The following RNF182 variants were observed in gnomAD, a reference collection of about 807,000 sequenced individuals.
RNF182 encodes E3 ubiquitin-protein ligase RNF182.
RNF182 carries 15 observed loss-of-function variants against 14.4 expected under a neutral mutation model. That is an observed-to-expected ratio of 1.04 (90% CI 0.70 to 1.60). The LOEUF (loss-of-function observed/expected upper bound fraction) is 1.60. Ranked by LOEUF, RNF182 falls within the 40% of genes most tolerant of loss-of-function variation. The pLI is 0.00. For synonymous variants in RNF182, 128 were observed against 122.9 expected (o/e 1.04, Z -0.27); for missense variants, 268 against 294.8 (o/e 0.91, Z 0.67).
At chr6:13,965,707 T>G (rs1760005793) in intron 1 of RNF182, among the ~76,000 whole-genome samples, 1 of 152,244 alleles carries the variant, frequency 6.6e-6, no homozygotes, top group Non-Finnish European at 1.5e-5. Context: ...GGGTTTGGTC[T>G]AGGCCCTACT....
chr6:13,939,379 CTAAG>C (rs1759227135), intron 1 of RNF182, among the ~76,000 whole-genome samples: 1 of 151,944 alleles, frequency 6.6e-6, no homozygotes, highest in Non-Finnish European at 1.5e-5. Flanking sequence ...TTTAATTTCT[CTAAG>C]TAATGTTTTG....
chr6:13,961,492 G>T (rs1759882226), intron 1 of RNF182: 1 of 152,106 alleles, frequency 6.6e-6, no homozygotes, highest in Non-Finnish European at 1.5e-5. Flanking sequence ...TGCCTGCAAG[G>T]GATGGTCATA....
chr6:13,949,410 A>G (rs956658592), intron 1 of RNF182: 21 of 740,414 alleles, frequency 2.8e-5, no homozygotes, highest in African/African-American at 1.1e-4. Context: ...GGCAAGAGAA[A>G]GACTGTGAAA....
At chr6:13,949,611 A>G (rs975711630) in intron 1 of RNF182, 23 of 391,456 alleles carry the variant, frequency 5.9e-5, no homozygotes, top group African/African-American at 4.6e-4. Flanking sequence ...TGAAAAACTG[A>G]TATGACGATG....
At chr6:13,961,809 G>A (rs1399484434) in intron 1 of RNF182, among the ~76,000 whole-genome samples, 1 of 152,096 alleles carries the variant, frequency 6.6e-6, no homozygotes, top group Non-Finnish European at 1.5e-5. Context: ...TGTTGAGGGA[G>A]GCTTTCTGGA....
At chr6:13,960,262 T>A (rs1024953605) in intron 1 of RNF182, among the ~76,000 whole-genome samples, 1 of 152,186 alleles carries the variant, frequency 6.6e-6, no homozygotes, top group African/African-American at 2.4e-5. Context: ...TGACACTTAA[T>A]AGATATTAAG....
intron 2 of RNF182, among the ~76,000 whole-genome samples, chr6:13,975,862 A>G (rs1760309520): frequency 6.6e-6 from 1 of 152,250 alleles, no homozygotes; most frequent in Admixed American, 6.5e-5. Flanking sequence ...ATCAACTACC[A>G]AAAATACTAC....
At chr6:13,938,226 C>T (rs1243961255) in intron 1 of RNF182, among the ~76,000 whole-genome samples, 1 of 144,714 alleles carries the variant, frequency 6.9e-6, no homozygotes, top group African/African-American at 2.6e-5. Flanking sequence ...ACCGTGATAG[C>T]CAGGATGGTC....
At chr6:13,959,263 A>T in intron 1 of RNF182, among the ~76,000 whole-genome samples, 1 of 152,252 alleles carries the variant, frequency 6.6e-6, no homozygotes, top group East Asian at 1.9e-4. Flanking sequence ...AAAACATGAA[A>T]GACTTTGTAC....
At chr6:13,943,612 G>C (rs949330584) in intron 1 of RNF182, among the ~76,000 whole-genome samples, 3 of 152,122 alleles carry the variant, frequency 2.0e-5, no homozygotes, top group African/African-American at 7.2e-5. Flanking sequence ...CAAATTTTTT[G>C]AGGAAGGTGA....
intron 1 of RNF182, among the ~76,000 whole-genome samples, chr6:13,939,507 TTTG>T (rs1450872894): frequency 2.0e-5 from 3 of 151,868 alleles, no homozygotes; most frequent in Non-Finnish European, 2.9e-5. Context: ...TAAATACATT[TTTG>T]TTTTTATTTT....
intron 1 of RNF182, among the ~76,000 whole-genome samples, chr6:13,968,899 G>T (rs1760104784): frequency 6.6e-6 from 1 of 152,156 alleles, no homozygotes; most frequent in African/African-American, 2.4e-5. Flanking sequence ...GTAATACTAA[G>T]TAGGAACCTA....
chr6:13,960,734 T>C (rs1759859414), intron 1 of RNF182, among the ~76,000 whole-genome samples: 1 of 151,612 alleles, frequency 6.6e-6, no homozygotes, highest in Non-Finnish European at 1.5e-5. Context: ...TTAGTTACAT[T>C]TAGTGAAATA....
At chr6:13,949,944 C>G (rs1319487211) in intron 1 of RNF182, among the ~76,000 whole-genome samples, 1 of 152,174 alleles carries the variant, frequency 6.6e-6, no homozygotes, top group African/African-American at 2.4e-5. Context: ...TGTTCACACA[C>G]AGAATTTCTT....
At chr6:13,934,857 CGAG>C (rs1482878064) in intron 1 of RNF182, among the ~76,000 whole-genome samples, 2 of 152,058 alleles carry the variant, frequency 1.3e-5, no homozygotes, top group East Asian at 3.9e-4. Flanking sequence ...ATTTGAGTGA[CGAG>C]AAGATTTGAT....
chr6:13,969,646 G>A (rs1222073490), intron 1 of RNF182, among the ~76,000 whole-genome samples: 2 of 152,180 alleles, frequency 1.3e-5, no homozygotes, highest in Non-Finnish European at 2.9e-5. Context: ...GAATTAAGTA[G>A]CAGAGTAAGA....
intron 1 of RNF182, among the ~76,000 whole-genome samples, chr6:13,926,953 G>T (rs1374163605): frequency 6.6e-6 from 1 of 152,196 alleles, no homozygotes; most frequent in African/African-American, 2.4e-5. Flanking sequence ...TAATCTGAGT[G>T]CTGAAGAACG....
At chr6:13,933,844 C>T (rs1385090498) in intron 1 of RNF182, among the ~76,000 whole-genome samples, 6 of 151,952 alleles carry the variant, frequency 3.9e-5, no homozygotes, top group Non-Finnish European at 8.8e-5. Context: ...GTGGTGAAAC[C>T]CCGTCTCCAC....
At chr6:13,925,690 CTTT>C (rs1445057751) in intron 1 of RNF182, among the ~76,000 whole-genome samples, 1 of 152,164 alleles carries the variant, frequency 6.6e-6, no homozygotes, top group African/African-American at 2.4e-5. Flanking sequence ...GAGGTCATTG[CTTT>C]TGTTTCTAGA....
Sources: allele counts gnomAD v4.1 joint callset (sites outside exome capture counted in the v4.1 genomes callset), GRCh38; gene constraint gnomAD v4.1.1; transcripts MANE v1.5; gene names NCBI Gene and HGNC (gene_info 2026-07-23, HGNC 2026-07-21).